Variants in HDAC9 observed in about 807,000 individuals in gnomAD.
The protein encoded by HDAC9 is MEF-2 interacting transcription repressor (MITR) protein.
Under a neutral mutation model 139.4 loss-of-function variants are expected in HDAC9, and 41 were observed. That is an observed-to-expected ratio of 0.29 (90% CI 0.23 to 0.38). HDAC9 has a LOEUF of 0.38. Ranked by LOEUF, HDAC9 falls within the 10% of genes least tolerant of loss-of-function variation. The pLI, the probability that HDAC9 is intolerant of heterozygous loss-of-function variation, is 1.00. For missense variants in HDAC9, 1,147 were observed against 1,297.0 expected, an observed-to-expected ratio of 0.88 and a Z score of 1.78; for synonymous variants, 517 against 476.2, an observed-to-expected ratio of 1.09 and a Z score of -1.12.
chr7:18,383,764 C>G (rs1341260120), intron 1 of HDAC9, among the ~76,000 whole-genome samples: 1 of 150,886 alleles, frequency 6.6e-6, no homozygotes, highest in Non-Finnish European at 1.5e-5. Context: ...TGGCGGGCGT[C>G]TGCAGTCCCA....
chr7:18,765,353 G>A (rs940772430), intron 15 of HDAC9, among the ~76,000 whole-genome samples: 3 of 151,926 alleles, frequency 2.0e-5, no homozygotes, highest in South Asian at 2.1e-4. Context: ...TGGGCACAGC[G>A]GCTCATGCCT....
At chr7:18,974,426 C>G (rs1350233447) in intron 24 of HDAC9, among the ~76,000 whole-genome samples, 1 of 152,206 alleles carries the variant, frequency 6.6e-6, no homozygotes, top group Non-Finnish European at 1.5e-5. Flanking sequence ...ACTAACAGGG[C>G]TGTCTCAACT....
At chr7:18,952,597 T>C (rs1292097805) in intron 23 of HDAC9, among the ~76,000 whole-genome samples, 1 of 152,024 alleles carries the variant, frequency 6.6e-6, no homozygotes, top group African/African-American at 2.4e-5. Flanking sequence ...TGAAAAATTA[T>C]TTATAAGCAA....
chr7:18,445,491 T>A (rs1307355975), intron 1 of HDAC9, among the ~76,000 whole-genome samples: 3 of 152,216 alleles, frequency 2.0e-5, no homozygotes, highest in Non-Finnish European at 4.4e-5. Flanking sequence ...TGCTGAAATA[T>A]GTAGGGGCTG....
intron 2 of HDAC9, among the ~76,000 whole-genome samples, chr7:18,185,926 T>C (rs7797322): frequency 0.17 from 25,832 of 152,158 alleles, 2,665 homozygotes; most frequent in South Asian, 0.34. Flanking sequence ...TATGTTGCTT[T>C]TTCTGTAAAA....
chr7:18,666,379 T>G lies in HDAC9; in HGVS notation c.1634T>G (p.Val545Gly), dbSNP rs765164988. Residue 545 changes from valine (V) to glycine (G), a missense_variant, in exon 12 of 26, where the codon GTT (valine) becomes GGT (glycine). Val to Gly is a moderately radical substitution (Grantham distance 109). Transcript: ENST00000686413. The part of the protein sequence containing the change: ...SACVDDTLGQ[V>G]GAVKVKEEPV... ...TGTGTGGATGACACACTGGGACAAG[T>G]TGGGGCTGTGAAGGTCAAGGAGGAA... is the stretch of plus-strand genomic sequence containing the variant. 5 of 1,613,072 alleles carry G rather than the reference T, an allele frequency of 3.1e-6. No individual in the cohort carries two copies. The East Asian group carries it at 6.7e-5, about 22-fold the overall frequency.
At chr7:18,938,324 G>C (rs1006854443) in intron 23 of HDAC9, among the ~76,000 whole-genome samples, 3 of 151,754 alleles carry the variant, frequency 2.0e-5, no homozygotes, top group African/African-American at 7.3e-5. Flanking sequence ...GGCCGGGCGC[G>C]GTGTCTCACG....
intron 12 of HDAC9, among the ~76,000 whole-genome samples, chr7:18,687,748 G>A (rs1782377619): frequency 6.6e-6 from 1 of 151,820 alleles, no homozygotes; most frequent in Non-Finnish European, 1.5e-5. Context: ...GGAAGAAGAG[G>A]GAAAGCTGTG....
chr7:18,549,743 TG>T (rs1482087180), intron 2 of HDAC9, among the ~76,000 whole-genome samples: 1 of 151,406 alleles, frequency 6.6e-6, no homozygotes, highest in East Asian at 1.9e-4. Flanking sequence ...AATAAAAAGG[TG>T]GTTTTTTTTT....
At chr7:18,403,778 T>C (rs1397995436) in intron 1 of HDAC9, among the ~76,000 whole-genome samples, 1 of 152,176 alleles carries the variant, frequency 6.6e-6, no homozygotes, top group African/African-American at 2.4e-5. Context: ...TCAAGACATA[T>C]GTTAATCAAA....
chr7:18,372,177 G>C (rs1784644008), intron 1 of HDAC9, among the ~76,000 whole-genome samples: 1 of 152,222 alleles, frequency 6.6e-6, no homozygotes, highest in South Asian at 2.1e-4. Flanking sequence ...TTTCCCAGGT[G>C]ATTCCAATGT....
chr7:18,730,264 A>C (rs541115909), intron 13 of HDAC9, among the ~76,000 whole-genome samples: 88 of 152,304 alleles, frequency 5.8e-4, no homozygotes, highest in Non-Finnish European at 1.1e-3. Flanking sequence ...TCTGGCTTTA[A>C]TCCAATCTTA....
At chr7:18,924,953 C>T (rs570053539) in intron 22 of HDAC9, among the ~76,000 whole-genome samples, 3 of 152,094 alleles carry the variant, frequency 2.0e-5, no homozygotes, top group South Asian at 4.1e-4. Flanking sequence ...TAATGCTGTG[C>T]TCAAAGTTAA....
chr7:18,411,268 A>G (rs1387230312), intron 1 of HDAC9, among the ~76,000 whole-genome samples: 2 of 152,238 alleles, frequency 1.3e-5, no homozygotes, highest in Non-Finnish European at 1.5e-5. Context: ...TTTTGACTTT[A>G]CGGTGGTACA....
intron 1 of HDAC9, among the ~76,000 whole-genome samples, chr7:18,402,140 G>T (rs1011294046): frequency 6.6e-6 from 1 of 152,168 alleles, no homozygotes; most frequent in African/African-American, 2.4e-5. Flanking sequence ...CTTGGAGGGG[G>T]TGGATACAAT....
At chr7:18,419,945 A>T (rs1789462753) in intron 1 of HDAC9, among the ~76,000 whole-genome samples, 1 of 152,184 alleles carries the variant, frequency 6.6e-6, no homozygotes, top group Non-Finnish European at 1.5e-5. Flanking sequence ...GTAGCCCATG[A>T]ATCTCGGAGG....
At chr7:18,624,888 A>G (rs1841230771) in intron 6 of HDAC9, among the ~76,000 whole-genome samples, 2 of 152,140 alleles carry the variant, frequency 1.3e-5, no homozygotes, top group African/African-American at 4.8e-5. Context: ...AATATCTCTC[A>G]TGACCCAAAA....
At chr7:18,320,853 C>A (rs1799977616) in intron 1 of HDAC9, among the ~76,000 whole-genome samples, 1 of 152,180 alleles carries the variant, frequency 6.6e-6, no homozygotes, top group African/African-American at 2.4e-5. Flanking sequence ...CTGTGGCCAG[C>A]TGTGTGACCT....
intron 1 of HDAC9, among the ~76,000 whole-genome samples, chr7:18,329,734 C>T (rs1800765885): frequency 6.6e-6 from 1 of 151,674 alleles, no homozygotes; most frequent in Non-Finnish European, 1.5e-5. Context: ...CAGATTATGT[C>T]TTTTGAAGCC....
Sources: allele counts gnomAD v4.1 joint callset (sites outside exome capture counted in the v4.1 genomes callset), GRCh38; gene constraint gnomAD v4.1.1; transcripts MANE v1.5; gene names NCBI Gene and HGNC (gene_info 2026-07-23, HGNC 2026-07-21).